The following MSH4 variants were observed in gnomAD, a reference collection of about 807,000 sequenced individuals.
MSH4 encodes the protein mutS protein homolog 4.
In MSH4, 106 loss-of-function variants were observed where a neutral mutation model predicts 113.7. That is an observed-to-expected ratio of 0.93 (90% CI 0.80 to 1.10). The LOEUF (loss-of-function observed/expected upper bound fraction) is 1.10. MSH4 is among the 50% of genes least tolerant of loss of function. The pLI is 0.00. For missense variants in MSH4, 1,061 were observed against 1,093.7 expected (o/e 0.97, Z 0.42); for synonymous variants, 368 against 380.2 (o/e 0.97, Z 0.37).
intron 7 of MSH4, among the ~76,000 whole-genome samples, chr1:75,829,011 G>A (rs1227849354): frequency 6.6e-6 from 1 of 152,098 alleles, no homozygotes; most frequent in Admixed American, 6.6e-5. Flanking sequence ...GAAGCACAAG[G>A]GTTCAGAGAA....
At chr1:75,827,429 C>T (rs1047875314) in intron 7 of MSH4, among the ~76,000 whole-genome samples, 9 of 152,204 alleles carry the variant, frequency 5.9e-5, no homozygotes, top group South Asian at 4.1e-4. Context: ...ACTGCATCAA[C>T]TAATGTGCAA....
chr1:75,902,673 G>GTATATA (rs34304425), intron 19 of MSH4, among the ~76,000 whole-genome samples: 4 of 90,200 alleles, frequency 4.4e-5, no homozygotes, highest in Non-Finnish European at 9.3e-5. Context: ...ATATGTGTAT[G>GTATATA]TATATATATA....
At chr1:75,904,378 G>A (rs1433310165) in intron 19 of MSH4, among the ~76,000 whole-genome samples, 1 of 152,096 alleles carries the variant, frequency 6.6e-6, no homozygotes, top group Non-Finnish European at 1.5e-5. Flanking sequence ...TAGCCTCATA[G>A]AATGAGTTTG....
Position 75,878,907 on chromosome 1 carries a change from T to C in MSH4, c.1541-85T>C, listed in dbSNP as rs1262399106. Reference sequence around the variant, plus strand: ...GTATAAAATAAGAATTTAAAAACCATGTGACTCTTTAAAACAGAGTGATTT... The same window carrying C: ...GTATAAAATAAGAATTTAAAAACCACGTGACTCTTTAAAACAGAGTGATTT... On this transcript the variant is annotated intron_variant, in intron 11 of 19. Transcript: ENST00000263187. The C allele has an allele frequency of 3.4e-6, 4 of 1,171,116 alleles. No homozygotes were observed. In the East Asian group the frequency reaches 9.9e-5, roughly 29 times the overall value. 72.5% of individuals were successfully genotyped at this position (1,171,116 alleles called of 1,614,324 possible).
chr1:75,831,234 G>A (rs1035589251), intron 7 of MSH4, among the ~76,000 whole-genome samples: 1 of 152,266 alleles, frequency 6.6e-6, no homozygotes, highest in Non-Finnish European at 1.5e-5. Context: ...AACAAGGAGA[G>A]CTAACTCTCC....
chr1:75,799,904 TA>T (rs1177234900), intron 1 of MSH4, among the ~76,000 whole-genome samples: 2 of 152,140 alleles, frequency 1.3e-5, no homozygotes, highest in Non-Finnish European at 2.9e-5. Context: ...GCCTGTGGGA[TA>T]TCCATATATT....
chr1:75,883,429 T>C (rs1302470906), intron 14 of MSH4, among the ~76,000 whole-genome samples, 192 bp from the exon 15 acceptor site: 1 of 151,974 alleles, frequency 6.6e-6, no homozygotes, highest in Non-Finnish European at 1.5e-5. Context: ...AAAGTTGTGA[T>C]AGTGATTAGA....
intron 19 of MSH4, among the ~76,000 whole-genome samples, chr1:75,907,984 A>T (rs544895400): frequency 6.7e-5 from 10 of 150,302 alleles, no homozygotes; most frequent in African/African-American, 2.0e-4. Context: ...TGCTGGTATT[A>T]TAGGCATGAG....
At chr1:75,865,048 C>G (rs943303415) in intron 8 of MSH4, among the ~76,000 whole-genome samples, 9 of 152,086 alleles carry the variant, frequency 5.9e-5, no homozygotes, top group African/African-American at 2.2e-4. Flanking sequence ...TCTATTCCAT[C>G]TCTCAGATGT....
chr1:75,883,187 T>G (rs1459833427), intron 14 of MSH4, among the ~76,000 whole-genome samples: 5 of 150,484 alleles, frequency 3.3e-5, no homozygotes, highest in East Asian at 3.9e-4. Context: ...TTTTTTTTTT[T>G]GTAGAGATAG....
rs780315872 is a variant in MSH4 at position 75,898,046 on chromosome 1, A to C, written c.2495A>C (p.Lys832Thr). 4 of 1,598,018 alleles carry C rather than the reference A, an allele frequency of 2.5e-6. No individual in the cohort carries two copies. In the South Asian group the frequency reaches 4.6e-5, roughly 18 times the overall value. ...RNKEAILYTYKLSKGLTEEKN... is the reference protein window; with the variant it reads ...RNKEAILYTYTLSKGLTEEKN... ...AAAGAAGCAATTTTGTATACCTACAAACTTTCTAAGGGACTCACAGAAGAG... is the reference window on the plus strand; with the variant it reads ...AAAGAAGCAATTTTGTATACCTACACACTTTCTAAGGGACTCACAGAAGAG... The change falls in exon 18 of 20, where the codon AAA becomes ACA. Residue 832 changes from lysine (K) to threonine (T), a missense_variant. Coordinates refer to ENST00000263187, the MANE Select transcript of MSH4 (RefSeq NM_002440.4).
intron 8 of MSH4, among the ~76,000 whole-genome samples, chr1:75,863,343 T>C (rs967649237): frequency 5.3e-5 from 8 of 152,200 alleles, no homozygotes; most frequent in African/African-American, 1.9e-4. Context: ...TCTACCCTAG[T>C]TGCAAACTAA....
chr1:75,909,729 C>T (rs190115530), intron 19 of MSH4, among the ~76,000 whole-genome samples: 2 of 142,466 alleles, frequency 1.4e-5, no homozygotes, highest in East Asian at 2.3e-4. Context: ...GCTTCTTTTA[C>T]GATAACTCTT....
chr1:75,853,299 A>G lies in MSH4; in HGVS notation c.1230+5023A>G, dbSNP rs549946540. Reference sequence around the variant, plus strand: ...AGGATGGCCTCAAACTCCTGACCTCAAGTGATCTGCCTGCCTCAGCCTCCC... The same window carrying G: ...AGGATGGCCTCAAACTCCTGACCTCGAGTGATCTGCCTGCCTCAGCCTCCC... On this transcript the variant is annotated intron_variant, in intron 8 of 19. Coordinates refer to ENST00000263187, the MANE Select transcript of MSH4 (RefSeq NM_002440.4). Among the ~76,000 whole-genome samples, 5 of 152,226 alleles carry G rather than the reference A, an allele frequency of 3.3e-5. No homozygotes were observed. The South Asian group carries it at 1.0e-3, about 32-fold the overall frequency.
chr1:75,890,753 G>T lies in MSH4; in HGVS notation c.2284G>T (p.Gly762Cys). Residue 762 changes from glycine (G) to cysteine (C), a missense_variant, in exon 17 of 20, where the codon GGC becomes TGC. Gly to Cys is a radical substitution (Grantham distance 159). Coordinates refer to ENST00000263187, the MANE Select transcript of MSH4 (RefSeq NM_002440.4). The stretch of plus-strand genomic sequence containing the variant: ...ATCGCTCATATTAATTGATGAACTT[G>T]GCAGAGGTACTAATACGGAAGAAGG... ...DKSLILIDEL[G>C]RGTNTEEGIG... 6.2e-7 allele frequency: 1 copy of T among 1,610,220 alleles called. No individual in the cohort carries two copies. Among genetic ancestry groups the T allele is most frequent in the South Asian group, 1.1e-5 (1 of 90,486 alleles).
intron 9 of MSH4, among the ~76,000 whole-genome samples, chr1:75,870,706 G>T (rs946210564): frequency 2.0e-5 from 3 of 152,136 alleles, no homozygotes; most frequent in Non-Finnish European, 4.4e-5. Flanking sequence ...CCAGCCATGT[G>T]GAATTGTGAG....
At chr1:75,851,716 C>T (rs1651191823) in intron 8 of MSH4, among the ~76,000 whole-genome samples, 1 of 152,128 alleles carries the variant, frequency 6.6e-6, no homozygotes. Context: ...AGCCTCAGAC[C>T]ACTTTAAATA....
intron 4 of MSH4, 98 bp from the exon 5 acceptor site, chr1:75,814,923 A>G (rs2100513712): frequency 1.5e-6 from 1 of 653,218 alleles, no homozygotes; most frequent in East Asian, 2.9e-5. Flanking sequence ...ATTTTTATAC[A>G]ATATTTAAGC....
Position 75,912,668 on chromosome 1 carries a change from ATATATATT to A in MSH4, c.2620-26_2620-19del, listed in dbSNP as rs1652811440. On this transcript the variant is annotated intron_variant, in intron 19 of 19. Coordinates refer to ENST00000263187, the MANE Select transcript of MSH4 (RefSeq NM_002440.4). Reference sequence around the variant, plus strand: ...AAAATTATGGTATTTGTGTATATATATATATATTTTTTTTTTTTCAATGACAGCAAAAC... The same window carrying A: ...AAAATTATGGTATTTGTGTATATATATTTTTTTTTTCAATGACAGCAAAAC... 1 of 1,237,318 alleles carries A rather than the reference ATATATATT, an allele frequency of 8.1e-7. No individual in the cohort carries two copies. Among genetic ancestry groups the A allele is most frequent in the Non-Finnish European group, 1.0e-6 (1 of 952,596 alleles). 76.6% of individuals were successfully genotyped at this position (1,237,318 alleles called of 1,614,324 possible). A position where few individuals can be genotyped will look rare whatever the true frequency, so the allele number is the denominator to read the frequency against.
Sources: gnomAD v4.1 joint callset for allele counts (sites outside exome capture counted in the v4.1 genomes callset) on GRCh38, gnomAD v4.1.1 for gene constraint, MANE v1.5 for transcripts, NCBI Gene and HGNC (gene_info 2026-07-23, HGNC 2026-07-21) for gene names.